Variants in GALNT16 observed in about 807,000 individuals in gnomAD.
The protein encoded by GALNT16 is polypeptide N-acetylgalactosaminyltransferase 16.
Under a neutral mutation model 76.1 loss-of-function variants are expected in GALNT16, and 40 were observed. The observed-to-expected ratio is 0.53, with a 90% CI of 0.41 to 0.68. The LOEUF is 0.68. GALNT16 is among the 30% of genes least tolerant of loss of function. GALNT16 has a pLI of 0.00. For missense variants in GALNT16, 621 were observed against 731.9 expected, an observed-to-expected ratio of 0.85 and a Z score of 1.75; for synonymous variants, 276 against 285.2, an observed-to-expected ratio of 0.97 and a Z score of 0.32.
At chr14:69,321,436 G>A (rs1594848963) in intron 2 of GALNT16, among the ~76,000 whole-genome samples, 2 of 152,186 alleles carry the variant, frequency 1.3e-5, no homozygotes, top group East Asian at 1.9e-4. Flanking sequence ...CAAGGCATTA[G>A]CCCCTCTCTG....
At chr14:69,277,706 C>CGTG (rs2044490850) in intron 1 of GALNT16, among the ~76,000 whole-genome samples, 1 of 152,200 alleles carries the variant, frequency 6.6e-6, no homozygotes, top group Non-Finnish European at 1.5e-5. Context: ...GTCTTTATAG[C>CGTG]AGCATGATTT....
chr14:69,360,208 C>T (rs1333983676), downstream of GALNT16, among the ~76,000 whole-genome samples: 14 of 150,858 alleles, frequency 9.3e-5, no homozygotes. Flanking sequence ...TAAAAATTAG[C>T]CAGGTGTGGT....
chr14:69,298,137 C>T (rs899112675), intron 1 of GALNT16, among the ~76,000 whole-genome samples: 3 of 152,240 alleles, frequency 2.0e-5, no homozygotes, highest in Non-Finnish European at 4.4e-5. Context: ...TTAAAGAAAG[C>T]AGCCCCTCTC....
At chr14:69,288,211 G>T (rs1476644177) in intron 1 of GALNT16, among the ~76,000 whole-genome samples, 1 of 152,190 alleles carries the variant, frequency 6.6e-6, no homozygotes, top group African/African-American at 2.4e-5. Flanking sequence ...AGTATCATTT[G>T]TTTAAAGTTG....
At chr14:69,380,752 T>C in the GALNT16 span, 1 of 603,204 alleles carries the variant, frequency 1.7e-6, no homozygotes, top group Non-Finnish European at 3.0e-6. Flanking sequence ...TTTCCAAAAA[T>C]GAACTTAATG....
chr14:69,307,387 T>A (rs1012389505), intron 1 of GALNT16, among the ~76,000 whole-genome samples: 2 of 152,188 alleles, frequency 1.3e-5, no homozygotes, highest in Admixed American at 6.5e-5. Context: ...CAGCATTTGC[T>A]CCATGATCTG....
In GALNT16 at chr14:69,261,549, C is replaced by G. The variant is rs181880220; in HGVS notation, c.177+1082C>G. Among the ~76,000 whole-genome samples the G allele has an allele frequency of 1.2e-4, 18 of 144,784 alleles. No individual in the cohort carries two copies. The highest frequency in any genetic ancestry group is 2.6e-4 in the Non-Finnish European group (17 of 66,632). 95.0% of individuals were successfully genotyped at this position (144,784 alleles called of 152,430 possible). ...GGGCGGGGGTAAAGGAGTGAGGAAG[C>G]GTGGCGATTCCGACAAGGAAAGATC... On this transcript the variant is annotated intron_variant, in intron 1 of 14. Transcript: ENST00000448469. The surrounding 1 kb of genome is among the most constrained non-coding windows in gnomAD (Gnocchi z 6.4).
At chr14:69,293,380 A>C (rs2044712449) in intron 1 of GALNT16, among the ~76,000 whole-genome samples, 1 of 152,242 alleles carries the variant, frequency 6.6e-6, no homozygotes, top group African/African-American at 2.4e-5. Flanking sequence ...AATACTTCTT[A>C]AAACAGGCTT....
chr14:69,293,859 G>C (rs141215282), intron 1 of GALNT16, among the ~76,000 whole-genome samples: 214 of 152,142 alleles, frequency 1.4e-3, no homozygotes, highest in African/African-American at 5.0e-3. Flanking sequence ...GGGACAGTTG[G>C]CATTTTCACC....
the GALNT16 span, among the ~76,000 whole-genome samples, chr14:69,365,703 C>T: frequency 6.6e-6 from 1 of 152,062 alleles, no homozygotes; most frequent in South Asian, 2.1e-4. Context: ...ATGGGATGAT[C>T]TGTGCAGCAA....
chr14:69,330,249 A>G (rs780090499), intron 6 of GALNT16, among the ~76,000 whole-genome samples: 2 of 152,378 alleles, frequency 1.3e-5, no homozygotes, highest in Non-Finnish European at 2.9e-5. Context: ...AGACATTAAA[A>G]AAATGAAGAA....
At chr14:69,269,059 C>T (rs1434450872) in intron 1 of GALNT16, among the ~76,000 whole-genome samples, 1 of 152,232 alleles carries the variant, frequency 6.6e-6, no homozygotes, top group African/African-American at 2.4e-5. Flanking sequence ...AGTCAGGGAA[C>T]TGTGTCATTC....
chr14:69,312,773 T>C lies in GALNT16; in HGVS notation c.178-7938T>C, dbSNP rs529224449. On this transcript the variant is annotated intron_variant, in intron 1 of 14. Transcript: ENST00000448469. The stretch of plus-strand genomic sequence containing the variant: ...GAGCCACGAGCTGATGCCCTGATCC[T>C]TGAGCCAAGGAAGGAAGCGACCTCC... 2.0e-5 allele frequency among the ~76,000 whole-genome samples: 3 copies of C among 152,320 alleles called. No individual in the cohort carries two copies. In the South Asian group the frequency reaches 6.2e-4, roughly 32 times the overall value.
chr14:69,322,708 A>G (rs568544874), intron 2 of GALNT16, among the ~76,000 whole-genome samples: 1 of 152,226 alleles, frequency 6.6e-6, no homozygotes, highest in East Asian at 1.9e-4. Context: ...CCTGCCTATC[A>G]TGGTGAAACC....
At chr14:69,373,634 G>A in the GALNT16 span, among the ~76,000 whole-genome samples, 6 of 152,174 alleles carry the variant, frequency 3.9e-5, no homozygotes, top group Non-Finnish European at 8.8e-5. Context: ...AGGCTTACAA[G>A]ACAAACTATG....
rs145741667 is a variant in GALNT16, at chr14:69,287,751, T to C, written c.177+27284T>C. Reference sequence around the variant, plus strand: ...CGCCTTTCCTACCTGCACTTTTTTCTCCTGGACCACACTGCCTCTTGTGTT... The same window carrying C: ...CGCCTTTCCTACCTGCACTTTTTTCCCCTGGACCACACTGCCTCTTGTGTT... On this transcript the variant is annotated intron_variant, in intron 1 of 14. Coordinates refer to ENST00000448469, the MANE Select transcript of GALNT16 (RefSeq NM_001168368.2). 2.1e-4 allele frequency among the ~76,000 whole-genome samples: 32 copies of C among 152,334 alleles called. 2 individuals carry two copies. In the East Asian group the frequency reaches 6.2e-3, roughly 29 times the overall value.
At chr14:69,280,730 T>A (rs1365280430) in intron 1 of GALNT16, among the ~76,000 whole-genome samples, 1 of 152,168 alleles carries the variant, frequency 6.6e-6, no homozygotes, top group African/African-American at 2.4e-5. Flanking sequence ...CCATGGAGGT[T>A]GAGTCACTTG....
intron 1 of GALNT16, 65 bp from the exon 2 acceptor site, chr14:69,320,646 G>A: frequency 1.3e-6 from 2 of 1,493,846 alleles, no homozygotes; most frequent in East Asian, 2.3e-5. Context: ...GGTGTGTGCT[G>A]AGCACTCGCC....
the GALNT16 span, among the ~76,000 whole-genome samples, chr14:69,374,028 G>A: frequency 5.3e-5 from 8 of 152,258 alleles, no homozygotes; most frequent in South Asian, 8.3e-4. Context: ...TGATCTGCCC[G>A]CCTCAGCCTC....
Sources: gnomAD v4.1 joint callset for allele counts (sites outside exome capture counted in the v4.1 genomes callset) on GRCh38, gnomAD v4.1.1 for gene constraint, Gnocchi (gnomAD v3.1) non-coding constraint, MANE v1.5 for transcripts, NCBI Gene and HGNC (gene_info 2026-07-23, HGNC 2026-07-21) for gene names.